Variants in TENM4 observed in about 807,000 individuals in gnomAD.
TENM4 encodes the protein teneurin transmembrane protein 4.
A neutral mutation model predicts 243.3 loss-of-function variants in TENM4; 82 were observed. The ratio of observed to expected loss-of-function variants is 0.34; its 90% CI spans 0.28 to 0.40. The LOEUF is 0.40. Among genes scored for constraint, TENM4 ranks in the 10% least tolerant of loss-of-function variants. TENM4 has a pLI of 1.00. For synonymous variants in TENM4, 1,412 were observed against 1,456.3 expected (o/e 0.97, Z 0.69); for missense variants, 3,138 against 3,673.3 (o/e 0.85, Z 3.77).
intron 1 of TENM4, among the ~76,000 whole-genome samples, chr11:79,354,924 TG>T (rs1310915934): frequency 6.6e-6 from 1 of 152,232 alleles, no homozygotes; most frequent in African/African-American, 2.4e-5. Flanking sequence ...AATTTCCATA[TG>T]TATGATTTTA....
intron 6 of TENM4, among the ~76,000 whole-genome samples, chr11:79,052,393 G>A (rs1319556032): frequency 2.0e-5 from 3 of 152,054 alleles, no homozygotes; most frequent in African/African-American, 7.2e-5. Flanking sequence ...GCTTTCTTTC[G>A]TATGTTTGTT....
chr11:78,766,210 G>A (rs898534636), intron 18 of TENM4, among the ~76,000 whole-genome samples: 2 of 152,134 alleles, frequency 1.3e-5, no homozygotes, highest in African/African-American at 4.8e-5. Context: ...TACAGATCTT[G>A]TACTTTTAAT....
intron 10 of TENM4, among the ~76,000 whole-genome samples, chr11:78,859,144 A>G (rs1001526118): frequency 1.3e-5 from 2 of 152,200 alleles, no homozygotes; most frequent in African/African-American, 4.8e-5. Flanking sequence ...CAGGCTAAAT[A>G]TCAGAGCTTG....
At chr11:79,158,821 G>A (rs955668613) in intron 3 of TENM4, among the ~76,000 whole-genome samples, 1 of 152,114 alleles carries the variant, frequency 6.6e-6, no homozygotes, top group Non-Finnish European at 1.5e-5. Context: ...CTCTAAATCT[G>A]GAGTTTCAAT....
chr11:79,291,201 G>A (rs370203614), intron 2 of TENM4, among the ~76,000 whole-genome samples: 2 of 152,070 alleles, frequency 1.3e-5, no homozygotes, highest in African/African-American at 2.4e-5. Context: ...TAGGATGCAC[G>A]GGGAAGCACA....
At chr11:79,274,176 A>G (rs1856014836) in intron 2 of TENM4, among the ~76,000 whole-genome samples, 1 of 152,224 alleles carries the variant, frequency 6.6e-6, no homozygotes, top group African/African-American at 2.4e-5. Flanking sequence ...TGCCTGCAAC[A>G]TAAACATCAA....
intron 1 of TENM4, among the ~76,000 whole-genome samples, chr11:79,411,342 C>T (rs1440827373): frequency 6.6e-6 from 1 of 152,182 alleles, no homozygotes; most frequent in Non-Finnish European, 1.5e-5. Context: ...TTGATGATAA[C>T]TAATACAATG....
At chr11:78,995,452 A>C (rs1174842556) in intron 6 of TENM4, among the ~76,000 whole-genome samples, 2 of 152,174 alleles carry the variant, frequency 1.3e-5, no homozygotes, top group African/African-American at 2.4e-5. Context: ...ATGGGACTGG[A>C]GAGGGCTTAG....
intron 6 of TENM4, among the ~76,000 whole-genome samples, chr11:78,944,391 G>C (rs531833614): frequency 2.0e-5 from 3 of 152,148 alleles, no homozygotes; most frequent in Admixed American, 1.3e-4. Context: ...GGGAACCTAG[G>C]CTCTGAAAAA....
chr11:78,869,120 C>T (rs191002365), intron 9 of TENM4, among the ~76,000 whole-genome samples: 66 of 152,028 alleles, frequency 4.3e-4, no homozygotes, highest in African/African-American at 1.5e-3. Context: ...AAGATGTACA[C>T]GGCAGGATAA....
intron 1 of TENM4, among the ~76,000 whole-genome samples, chr11:79,337,784 C>T (rs1002728037): frequency 6.6e-6 from 1 of 152,210 alleles, no homozygotes. Flanking sequence ...TTATCACAGC[C>T]ATCCTTGCCA....
rs1859312058 is a variant in TENM4, at chr11:78,708,518, G to A, written c.4055-3C>T. ...CCCAAACTTGTCCACTGTAATGCCT[G>A]GGGGCAGAGAAGCCAAAACAGGAAC... On this transcript the variant is annotated splice_polypyrimidine_tract_variant and splice_region_variant and intron_variant, in intron 26 of 33. Coordinates refer to ENST00000278550, the MANE Select transcript of TENM4 (RefSeq NM_001098816.3). The A allele has an allele frequency of 6.2e-7, 1 of 1,613,366 alleles. No individual in the cohort carries two copies. Among genetic ancestry groups the A allele is most frequent in the Non-Finnish European group, 8.5e-7 (1 of 1,179,610 alleles).
intron 1 of TENM4, among the ~76,000 whole-genome samples, chr11:79,395,575 T>A (rs971789260): frequency 6.6e-6 from 1 of 152,188 alleles, no homozygotes; most frequent in Admixed American, 6.5e-5. Flanking sequence ...TTCGCCCAAG[T>A]TCCAAAAGGC....
chr11:79,064,594 G>T, intron 6 of TENM4, 144 bp downstream of exon 6: 1 of 1,099,248 alleles, frequency 9.1e-7, no homozygotes, highest in Admixed American at 2.4e-5. Context: ...CTCTCCAAGA[G>T]ACTCTGACAT....
At position 78,729,548 on chromosome 11, in the gene TENM4, G is replaced by C; in HGVS notation, c.3234C>G (p.Ser1078Arg). Residue 1078 changes from serine (S) to arginine (R), a missense_variant, in exon 22 of 34, where the codon AGC becomes AGG. Ser to Arg is a moderately radical substitution (Grantham distance 110). Around this residue, in one of 2 missense-constraint regions of TENM4, gnomAD observed 2,467 missense variants for 3,059.1 expected, o/e 0.81. Coordinates refer to ENST00000278550, the MANE Select transcript of TENM4 (RefSeq NM_001098816.3). Reference sequence around the variant, plus strand: ...TGAAGGGGATGGTCGGGTGGGTGAGGCTGATCCTCAGGACAGATTTGTAGC... The same window carrying C: ...TGAAGGGGATGGTCGGGTGGGTGAGCCTGATCCTCAGGACAGATTTGTAGC... ...TPGYKSVLRI[S>R]LTHPTIPFNL... 6.2e-7 allele frequency: 1 copy of C among 1,613,998 alleles called. No individual in the cohort carries two copies. The highest frequency in any genetic ancestry group is 8.5e-7 in the Non-Finnish European group (1 of 1,179,892).
chr11:78,974,662 G>A (rs753308841), intron 6 of TENM4, among the ~76,000 whole-genome samples: 4 of 151,840 alleles, frequency 2.6e-5, no homozygotes, highest in Non-Finnish European at 5.9e-5. Context: ...AAGTGGAAGT[G>A]GTAGCTCTCC....
chr11:79,157,181 G>A (rs868841175), intron 3 of TENM4, among the ~76,000 whole-genome samples: 1 of 152,124 alleles, frequency 6.6e-6, no homozygotes, highest in Non-Finnish European at 1.5e-5. Flanking sequence ...TACGACATTA[G>A]TTGGTCATTC....
At chr11:78,990,536 T>G (rs922065429) in intron 6 of TENM4, among the ~76,000 whole-genome samples, 16 of 152,144 alleles carry the variant, frequency 1.1e-4, no homozygotes, top group Admixed American at 6.5e-4. Context: ...CTAAATATAC[T>G]GCGAGGGAGT....
chr11:78,712,392 A>C (rs1023716128), intron 26 of TENM4, 90 bp downstream of exon 26: 4 of 1,336,648 alleles, frequency 3.0e-6, no homozygotes, highest in Non-Finnish European at 4.1e-6. Flanking sequence ...ATTTTCCAAA[A>C]ATTTTTGCAA....
Sources: gnomAD v4.1 joint callset for allele counts (sites outside exome capture counted in the v4.1 genomes callset) on GRCh38, gnomAD v4.1.1 for gene constraint, gnomAD v4.1.1 regional missense constraint, MANE v1.5 for transcripts, NCBI Gene and HGNC (gene_info 2026-07-23, HGNC 2026-07-21) for gene names.